NUCB2: variants seen among roughly 807,000 people sequenced by gnomAD.
NUCB2 encodes nucleobindin 2.
Under a neutral mutation model 57.9 loss-of-function variants are expected in NUCB2, and 48 were observed. That is an observed-to-expected ratio of 0.83 (90% CI 0.66 to 1.05). The LOEUF (loss-of-function observed/expected upper bound fraction) is 1.05. NUCB2 is among the 50% of genes least tolerant of loss of function. The pLI is 0.00. For missense variants in NUCB2, 442 were observed against 476.2 expected, an observed-to-expected ratio of 0.93 and a Z score of 0.67; for synonymous variants, 139 against 152.1, an observed-to-expected ratio of 0.91 and a Z score of 0.64.
chr11:17,308,915 T>A (rs1948082175), intron 5 of NUCB2, among the ~76,000 whole-genome samples: 1 of 152,182 alleles, frequency 6.6e-6, no homozygotes, highest in Admixed American at 6.6e-5. Context: ...ATAAGGATAC[T>A]ATATTAGAGA....
intron 2 of NUCB2, among the ~76,000 whole-genome samples, chr11:17,294,931 C>T (rs975241869): frequency 1.3e-5 from 2 of 151,990 alleles, no homozygotes; most frequent in South Asian, 2.1e-4. Context: ...GCCTGTAATC[C>T]GAGCTGCTTG....
chr11:17,301,933 C>G, intron 5 of NUCB2, 63 bp downstream of exon 5: 2 of 1,443,598 alleles, frequency 1.4e-6, no homozygotes, highest in Non-Finnish European at 1.9e-6. Flanking sequence ...AGCGTTTTAC[C>G]CTGTGGTTCA....
intron 4 of NUCB2, among the ~76,000 whole-genome samples, chr11:17,298,721 C>G (rs1946240328): frequency 6.7e-6 from 1 of 148,332 alleles, no homozygotes; most frequent in Admixed American, 6.7e-5. Context: ...TGTTTTGGGA[C>G]AAGGTCTCAC....
intron 8 of NUCB2, 89 bp from the exon 9 acceptor site, chr11:17,311,783 C>G (rs1044706682): frequency 1.1e-6 from 1 of 898,084 alleles, no homozygotes. Flanking sequence ...ATCAGTACTA[C>G]TTTTGTAAAC....
chr11:17,328,392 A>G (rs1373821515), intron 11 of NUCB2, among the ~76,000 whole-genome samples: 1 of 152,184 alleles, frequency 6.6e-6, no homozygotes, highest in African/African-American at 2.4e-5. Flanking sequence ...CATGGTGGCG[A>G]GTTCCCCCAG....
chr11:17,338,884 G>GA (rs748527250), intron 2 of NUCB2, among the ~76,000 whole-genome samples: 1 of 152,180 alleles, frequency 6.6e-6, no homozygotes, highest in Non-Finnish European at 1.5e-5. Flanking sequence ...GGCTGGTCTT[G>GA]AACTCCTGAC....
Position 17,330,760 on chromosome 11 carries a change from C to A in NUCB2, c.1174-142C>A. On this transcript the variant is annotated intron_variant, in intron 12 of 13. Transcript: ENST00000529010. This position sits in a 1 kb window ranked among gnomAD's most constrained non-coding sequence, Gnocchi z 4.3. ...TTGGGACTATAGGCGTGAGCCACTG[C>A]ACCTAGTCAAATCTAAATCTTATAG... 1 of 667,376 alleles carries A rather than the reference C, an allele frequency of 1.5e-6. No individual in the cohort carries two copies. The highest frequency in any genetic ancestry group is 2.7e-6 in the Non-Finnish European group (1 of 372,364). 41.3% of individuals were successfully genotyped at this position (667,376 alleles called of 1,614,324 possible).
chr11:17,286,430 AAG>A (rs1943762109), intron 2 of NUCB2, among the ~76,000 whole-genome samples: 1 of 152,236 alleles, frequency 6.6e-6, no homozygotes, highest in Admixed American at 6.5e-5. Context: ...ACTGAATACT[AAG>A]AGAAGCTTAA....
chr11:17,330,835 T>A lies in NUCB2; in HGVS notation c.1174-67T>A. ...CAATTTTCATTTACTTTGTTGTGCT[T>A]TGTCAAAGGTCACACATATGATAGA... On this transcript the variant is annotated intron_variant, in intron 12 of 13. Transcript: ENST00000529010. This position sits in a 1 kb window ranked among gnomAD's most constrained non-coding sequence, Gnocchi z 4.3. The A allele has an allele frequency of 1.1e-6, 1 of 918,302 alleles. No homozygotes were observed. The highest frequency in any genetic ancestry group is 1.8e-6 in the Non-Finnish European group (1 of 556,976). 56.9% of individuals were successfully genotyped at this position (918,302 alleles called of 1,614,324 possible).
At chr11:17,307,584 T>C (rs1213255195) in intron 5 of NUCB2, among the ~76,000 whole-genome samples, 1 of 152,226 alleles carries the variant, frequency 6.6e-6, no homozygotes, top group East Asian at 1.9e-4. Flanking sequence ...TTGAATATCT[T>C]TCTGTATTAG....
chr11:17,321,907 C>T (rs1349828544), intron 11 of NUCB2, among the ~76,000 whole-genome samples: 1 of 152,128 alleles, frequency 6.6e-6, no homozygotes, highest in African/African-American at 2.4e-5. Context: ...CGAGAAATGT[C>T]TACTCAAATC....
In NUCB2 at chr11:17,330,650, G is replaced by A. The variant is rs958486165; in HGVS notation, c.1174-252G>A. On this transcript the variant is annotated intron_variant, in intron 12 of 13. Transcript: ENST00000529010. This position sits in a 1 kb window ranked among gnomAD's most constrained non-coding sequence, Gnocchi z 4.3. ...TTCCTGGCTAATGTTAATATTTTTT[G>A]TAGAGACCAGGTCTCATTGTGTTGC... Among the ~76,000 whole-genome samples, 2 of 151,980 alleles carry A rather than the reference G, an allele frequency of 1.3e-5. No homozygotes were observed. Among genetic ancestry groups the A allele is most frequent in the African/African-American group, 4.8e-5 (2 of 41,384 alleles).
intron 4 of NUCB2, 47 bp downstream of exon 4, chr11:17,296,258 A>AT: frequency 8.9e-6 from 11 of 1,230,242 alleles, no homozygotes; most frequent in South Asian, 1.5e-5. Flanking sequence ...TTAATTTAAA[A>AT]TTTTTTTAGA....
chr11:17,343,667 T>A (rs968661014), intron 2 of NUCB2, among the ~76,000 whole-genome samples: 9 of 152,212 alleles, frequency 5.9e-5, no homozygotes, highest in Non-Finnish European at 5.9e-5. Flanking sequence ...GATATATAGA[T>A]GATTTCCTTT....
intron 2 of NUCB2, among the ~76,000 whole-genome samples, chr11:17,348,647 A>AT (rs34438900): frequency 0.3 from 45,081 of 151,068 alleles, 8,076 homozygotes; most frequent in South Asian, 0.39. Flanking sequence ...GCCTAGACAG[A>AT]TTTTTTGAAG....
At chr11:17,285,926 C>T (rs1338082098) in intron 2 of NUCB2, among the ~76,000 whole-genome samples, 1 of 138,088 alleles carries the variant, frequency 7.2e-6, no homozygotes, top group Non-Finnish European at 1.5e-5. Flanking sequence ...CATGCGCGCA[C>T]GTGTGCGTAC....
intron 2 of NUCB2, chr11:17,283,678 A>G (rs916776888): frequency 1.3e-5 from 2 of 152,228 alleles, no homozygotes; most frequent in African/African-American, 4.8e-5. Flanking sequence ...TAAATGCTCA[A>G]TAGATGTTTG....
At chr11:17,306,895 G>C (rs573303772) in intron 5 of NUCB2, among the ~76,000 whole-genome samples, 1 of 149,354 alleles carries the variant, frequency 6.7e-6, no homozygotes, top group African/African-American at 2.5e-5. Context: ...CTGGGTGACA[G>C]AGTGAGACTC....
chr11:17,295,425 A>G lies in NUCB2; in HGVS notation c.102A>G (p.Val34=). Residue 34 remains valine (V), a synonymous_variant, in exon 3 of 14, where the codon GTA becomes GTG. Transcript: ENST00000529010. ...CTATTGACATAGACAAGACAAAAGT[A>G]CAAAATATTCACCCTGTGGAAAGTG... The part of the protein sequence containing the change: ...AVPIDIDKTK[V]QNIHPVESAK... 1 of 1,613,334 alleles carries G rather than the reference A, an allele frequency of 6.2e-7. No homozygotes were observed. Among genetic ancestry groups the G allele is most frequent in the Non-Finnish European group, 8.5e-7 (1 of 1,179,738 alleles).
Sources: gnomAD v4.1 joint callset for allele counts (sites outside exome capture counted in the v4.1 genomes callset) on GRCh38, gnomAD v4.1.1 for gene constraint, Gnocchi (gnomAD v3.1) non-coding constraint, MANE v1.5 for transcripts, NCBI Gene and HGNC (gene_info 2026-07-23, HGNC 2026-07-21) for gene names.